MINDY3: variants seen among roughly 807,000 people sequenced by gnomAD.
MINDY3 encodes MINDY lysine 48 deubiquitinase 3.
A neutral mutation model predicts 69.2 loss-of-function variants in MINDY3; 38 were observed. The observed-to-expected ratio is 0.55, with a 90% CI of 0.42 to 0.72. MINDY3 has a LOEUF of 0.72. MINDY3 is among the 30% of genes least tolerant of loss of function. The pLI, the probability that MINDY3 is intolerant of heterozygous loss-of-function variation, is 0.00. For synonymous variants in MINDY3, 192 were observed against 180.1 expected (o/e 1.07, Z -0.53); for missense variants, 522 against 519.0 (o/e 1.01, Z -0.06).
intron 1 of MINDY3, among the ~76,000 whole-genome samples, chr10:15,848,670 AAATTAAAT>A: frequency 6.7e-6 from 1 of 148,696 alleles, no homozygotes; most frequent in Admixed American, 6.7e-5. Flanking sequence ...AAAGAAAGAA[AAATTAAAT>A]GGCATTGTAG....
intron 10 of MINDY3, among the ~76,000 whole-genome samples, chr10:15,816,006 C>T (rs933069350): frequency 1.3e-5 from 2 of 152,122 alleles, no homozygotes; most frequent in African/African-American, 4.8e-5. Flanking sequence ...TGGCTCACGC[C>T]TGTGATCCCA....
At position 15,860,336 on chromosome 10, in the gene MINDY3, C is replaced by T. The variant is rs540236107; in HGVS notation, c.-37G>A. The T allele has an allele frequency of 1.6e-5, 24 of 1,490,624 alleles. No homozygotes were observed. The highest frequency in any genetic ancestry group is 2.1e-5 in the Non-Finnish European group (23 of 1,086,386). The allele number at this position is 1,490,624 out of a possible 1,614,324, so 92.3% of individuals were successfully genotyped here. ...GGCGGGCGGATCTTCGCTTTGCGGA[C>T]TCCTGCCCCGGAACATGGGGAAGGG... On this transcript the variant is annotated 5_prime_UTR_variant, in exon 1 of 15. Coordinates refer to ENST00000277632, the MANE Select transcript of MINDY3 (RefSeq NM_024948.4).
intron 1 of MINDY3, among the ~76,000 whole-genome samples, chr10:15,855,298 T>C (rs574386220): frequency 6.6e-6 from 1 of 152,220 alleles, no homozygotes; most frequent in Admixed American, 6.5e-5. Flanking sequence ...AAATTAAGTA[T>C]TCTATCCTAA....
chr10:15,842,904 C>CAAAAAAAAAAAAAA (rs370464190), intron 3 of MINDY3, among the ~76,000 whole-genome samples: 1 of 68,218 alleles, frequency 1.5e-5, no homozygotes, highest in Non-Finnish European at 2.9e-5. Flanking sequence ...AATAAGACTA[C>CAAAAAAAAAAAAAA]AAAAAAAAAA....
At chr10:15,843,388 T>C (rs1320943003) in intron 2 of MINDY3, 116 bp from the exon 3 acceptor site, 59 of 825,548 alleles carry the variant, frequency 7.1e-5, no homozygotes, top group Non-Finnish European at 1.2e-4. Flanking sequence ...TTTTGACTAG[T>C]TCTGTAAAGA....
chr10:15,814,342 A>AT (rs1839210203), intron 10 of MINDY3, among the ~76,000 whole-genome samples: 1 of 152,072 alleles, frequency 6.6e-6, no homozygotes, highest in Non-Finnish European at 1.5e-5. Context: ...GTATCTATAG[A>AT]TACTACACAA....
chr10:15,835,648 C>T (rs1483656250), intron 6 of MINDY3, among the ~76,000 whole-genome samples: 7 of 151,974 alleles, frequency 4.6e-5, no homozygotes, highest in Non-Finnish European at 7.4e-5. Context: ...AGGTATCAAA[C>T]GTTTTGAGCA....
intron 1 of MINDY3, among the ~76,000 whole-genome samples, chr10:15,858,688 G>C (rs180948355): frequency 1.3e-5 from 2 of 152,242 alleles, no homozygotes; most frequent in African/African-American, 4.8e-5. Flanking sequence ...TACTAGAACT[G>C]CCACCCTGAA....
rs1053965132 is a variant in MINDY3 at position 15,778,631 on chromosome 10, A to C, written c.*361T>G. On this transcript the variant is annotated 3_prime_UTR_variant, in exon 15 of 15. Transcript: ENST00000277632. Reference sequence around the variant, plus strand: ...AAACAATAAAAAAAGTGCCTCAATGAAATAAAACCCAAAAGTAGTTTATCA... The same window carrying C: ...AAACAATAAAAAAAGTGCCTCAATGCAATAAAACCCAAAAGTAGTTTATCA... 1 of 160,358 alleles carries C rather than the reference A, an allele frequency of 6.2e-6. No individual in the cohort carries two copies. Among genetic ancestry groups the C allele is most frequent in the African/African-American group, 2.4e-5 (1 of 41,718 alleles). 9.9% of individuals were successfully genotyped at this position (160,358 alleles called of 1,614,324 possible). A position where few individuals can be genotyped will look rare whatever the true frequency, so the allele number is the denominator to read the frequency against.
At chr10:15,796,523 C>G (rs545003736) in intron 10 of MINDY3, among the ~76,000 whole-genome samples, 1 of 149,774 alleles carries the variant, frequency 6.7e-6, no homozygotes, top group Non-Finnish European at 1.5e-5. Context: ...AAAACCCAAA[C>G]CATTTTTTCC....
rs149449760 is a variant in MINDY3, at chr10:15,806,030, G to T, written c.883-9858C>A. On this transcript the variant is annotated intron_variant, in intron 10 of 14. Coordinates refer to ENST00000277632, the MANE Select transcript of MINDY3 (RefSeq NM_024948.4). ...GTGCAGACAAATCTGAACAATGTCA[G>T]TAGTCACACACTCCTCCTACCCACA... 3.3e-3 allele frequency among the ~76,000 whole-genome samples: 501 copies of T among 152,236 alleles called. 3 individuals are homozygous for T. The highest frequency in any genetic ancestry group is 0.011 in the African/African-American group (477 of 41,544).
chr10:15,833,300 A>G (rs1389710002), intron 8 of MINDY3, among the ~76,000 whole-genome samples: 4 of 152,212 alleles, frequency 2.6e-5, no homozygotes, highest in Non-Finnish European at 4.4e-5. Context: ...CTCCATTTTA[A>G]GCAAAGAGTG....
At chr10:15,814,671 G>A (rs1002003764) in intron 10 of MINDY3, among the ~76,000 whole-genome samples, 5 of 152,112 alleles carry the variant, frequency 3.3e-5, no homozygotes, top group Admixed American at 6.6e-5. Context: ...GACAGCCCCT[G>A]CCCTAGACAA....
intron 2 of MINDY3, among the ~76,000 whole-genome samples, chr10:15,843,871 A>G (rs951631850): frequency 1.3e-5 from 2 of 152,136 alleles, no homozygotes; most frequent in Admixed American, 1.3e-4. Flanking sequence ...TCTACTTCTC[A>G]AAGTGTAGTT....
At chr10:15,857,228 T>C (rs1036467935) in intron 1 of MINDY3, among the ~76,000 whole-genome samples, 12 of 152,156 alleles carry the variant, frequency 7.9e-5, no homozygotes, top group Non-Finnish European at 1.8e-4. Context: ...AAGTTTTTTA[T>C]AACTACCATT....
intron 11 of MINDY3, among the ~76,000 whole-genome samples, chr10:15,791,727 C>T (rs1443610714): frequency 6.6e-6 from 1 of 152,066 alleles, no homozygotes; most frequent in Non-Finnish European, 1.5e-5. Context: ...GGAGGAATAA[C>T]TCAATGCAAA....
chr10:15,811,635 T>G (rs1839006353), intron 10 of MINDY3, among the ~76,000 whole-genome samples: 2 of 152,192 alleles, frequency 1.3e-5, no homozygotes, highest in Non-Finnish European at 2.9e-5. Context: ...AAACTGCTAC[T>G]ATTTAAGAAA....
chr10:15,851,716 C>T (rs1834312508), intron 1 of MINDY3, among the ~76,000 whole-genome samples: 1 of 152,072 alleles, frequency 6.6e-6, no homozygotes, highest in South Asian at 2.1e-4. Flanking sequence ...TTCCTCCCTC[C>T]TGTCCAGTCC....
intron 1 of MINDY3, among the ~76,000 whole-genome samples, chr10:15,850,196 C>A (rs555560393): frequency 6.6e-6 from 1 of 152,176 alleles, no homozygotes; most frequent in South Asian, 2.1e-4. Context: ...CTCTTAATCC[C>A]GTCATCTTCG....
Sources: allele counts gnomAD v4.1 joint callset (sites outside exome capture counted in the v4.1 genomes callset), GRCh38; gene constraint gnomAD v4.1.1; transcripts MANE v1.5; gene names NCBI Gene and HGNC (gene_info 2026-07-23, HGNC 2026-07-21).